The following PLEKHA7 variants were observed in gnomAD, a reference collection of about 807,000 sequenced individuals.
The protein encoded by PLEKHA7 is pleckstrin homology domain-containing family A member 7.
A neutral mutation model predicts 170.0 loss-of-function variants in PLEKHA7; 104 were observed. The observed-to-expected ratio is 0.61, with a 90% CI of 0.52 to 0.72. The LOEUF is 0.72. Ranked by LOEUF, PLEKHA7 falls within the 30% of genes least tolerant of loss-of-function variation. The pLI, the probability that PLEKHA7 is intolerant of heterozygous loss-of-function variation, is 0.00. For synonymous variants in PLEKHA7, 648 were observed against 660.8 expected (o/e 0.98, Z 0.30); for missense variants, 1,615 against 1,671.7 (o/e 0.97, Z 0.59).
At chr11:16,952,111 C>G (rs1002549577) in intron 3 of PLEKHA7, among the ~76,000 whole-genome samples, 1 of 152,208 alleles carries the variant, frequency 6.6e-6, no homozygotes, top group Non-Finnish European at 1.5e-5. Flanking sequence ...CCTCTTCCTC[C>G]TCAGCAAGGA....
At chr11:16,912,409 G>A (rs985762536) in intron 3 of PLEKHA7, among the ~76,000 whole-genome samples, 4 of 152,124 alleles carry the variant, frequency 2.6e-5, no homozygotes, top group Admixed American at 1.3e-4. Flanking sequence ...AACTATAAAG[G>A]GAGACAGAAA....
chr11:16,914,162 G>A (rs1259377472), intron 3 of PLEKHA7, among the ~76,000 whole-genome samples: 4 of 152,158 alleles, frequency 2.6e-5, no homozygotes, highest in South Asian at 2.1e-4. Flanking sequence ...AAGCTTATGT[G>A]CATTTGAAAA....
intron 3 of PLEKHA7, among the ~76,000 whole-genome samples, chr11:16,963,432 T>G (rs1862187963): frequency 6.6e-6 from 1 of 152,138 alleles, no homozygotes; most frequent in Non-Finnish European, 1.5e-5. Context: ...AAACTTGTCT[T>G]GCCCTACTTC....
Position 16,795,410 on chromosome 11 carries a change from T to C in PLEKHA7, c.2410-392A>G, listed in dbSNP as rs539301603. ...ATGCAGAACTATTTAATGTGTATAA[T>C]GTTTCAGTTATACAGGATAGAAAGT... On this transcript the variant is annotated intron_variant, in intron 17 of 26. Transcript: ENST00000531066. 1.7e-4 allele frequency: 36 copies of C among 207,906 alleles called. No individual in the cohort carries two copies. The South Asian group carries it at 2.1e-3, about 12-fold the overall frequency. The allele number at this position is 207,906 out of a possible 1,614,324, so 12.9% of individuals were successfully genotyped here.
At chr11:16,849,817 T>C (rs1317429721) in intron 8 of PLEKHA7, among the ~76,000 whole-genome samples, 1 of 152,174 alleles carries the variant, frequency 6.6e-6, no homozygotes, top group Admixed American at 6.5e-5. Context: ...CCACGCAACA[T>C]GACACAGAGC....
intron 3 of PLEKHA7, among the ~76,000 whole-genome samples, chr11:16,922,684 C>T (rs1186508620): frequency 6.6e-6 from 1 of 152,166 alleles, no homozygotes. Context: ...CATCAGAGCA[C>T]CCTTCTCTTA....
chr11:16,999,167 C>A (rs1428646892), intron 3 of PLEKHA7, among the ~76,000 whole-genome samples: 1 of 152,142 alleles, frequency 6.6e-6, no homozygotes, highest in Non-Finnish European at 1.5e-5. Context: ...TCAGGGACAA[C>A]TGCAATGTCA....
chr11:16,883,888 G>A (rs77443743), intron 3 of PLEKHA7, among the ~76,000 whole-genome samples: 2 of 152,188 alleles, frequency 1.3e-5, no homozygotes, highest in East Asian at 3.9e-4. Flanking sequence ...TCCTTTTCCT[G>A]CCTCCAATTC....
At position 16,789,631 on chromosome 11, in the gene PLEKHA7, G is replaced by T; in HGVS notation, c.3156+144C>A. 1.5e-6 allele frequency: 1 copy of T among 688,484 alleles called. No individual in the cohort carries two copies. The highest frequency in any genetic ancestry group is 2.4e-6 in the Non-Finnish European group (1 of 412,360). 42.6% of individuals were successfully genotyped at this position (688,484 alleles called of 1,614,324 possible). ...AGGATGCCCTCCTTGGTGGACAGTG[G>T]GTGACAGGGAGCTCAGGAGGGGCTG... is the stretch of plus-strand genomic sequence containing the variant. On this transcript the variant is annotated intron_variant, in intron 22 of 26. Coordinates refer to ENST00000531066, the MANE Select transcript of PLEKHA7 (RefSeq NM_001329630.2). The surrounding 1 kb of genome is among the most constrained non-coding windows in gnomAD (Gnocchi z 4.6).
intron 3 of PLEKHA7, chr11:16,881,546 G>A (rs1855714973): frequency 6.6e-6 from 1 of 152,230 alleles, no homozygotes; most frequent in African/African-American, 2.4e-5. Flanking sequence ...CTGCCCCACT[G>A]TGGCCAAGGG....
At chr11:16,931,767 C>CA (rs1320445957) in intron 3 of PLEKHA7, among the ~76,000 whole-genome samples, 2 of 33,700 alleles carry the variant, frequency 5.9e-5, no homozygotes, top group African/African-American at 2.3e-4. Context: ...CCCCCCCCCC[C>CA]AAAAAAAAAA....
At chr11:16,796,956 C>A (rs1848273836) in intron 17 of PLEKHA7, among the ~76,000 whole-genome samples, 1 of 152,126 alleles carries the variant, frequency 6.6e-6, no homozygotes, top group African/African-American at 2.4e-5. Context: ...GCGTGAGCCA[C>A]CATGACCAGC....
chr11:16,792,595 C>A (rs1404027948), intron 19 of PLEKHA7, among the ~76,000 whole-genome samples: 1 of 151,266 alleles, frequency 6.6e-6, no homozygotes, highest in Non-Finnish European at 1.5e-5. Context: ...TTACTTCTGG[C>A]AGACAGGAAG....
rs540465713 is a variant in PLEKHA7 at position 16,817,476 on chromosome 11, C to G, written c.1344-154G>C. On this transcript the variant is annotated intron_variant, in intron 10 of 26. Transcript: ENST00000531066. This position sits in a 1 kb window ranked among gnomAD's most constrained non-coding sequence, Gnocchi z 4.4. Reference sequence around the variant, plus strand: ...CAAGGCCGACATCCAGGACTTCAGTCACTTCCCCTTTTGGCAGACGACTCC... The same window carrying G: ...CAAGGCCGACATCCAGGACTTCAGTGACTTCCCCTTTTGGCAGACGACTCC... The G allele has an allele frequency of 2.8e-6, 2 of 708,362 alleles. No homozygotes were observed. Among genetic ancestry groups the G allele is most frequent in the South Asian group, 6.0e-5 (2 of 33,198 alleles). The allele number at this position is 708,362 out of a possible 1,614,324, so 43.9% of individuals were successfully genotyped here.
At chr11:16,927,467 C>T (rs559023433) in intron 3 of PLEKHA7, among the ~76,000 whole-genome samples, 24 of 152,150 alleles carry the variant, frequency 1.6e-4, no homozygotes, top group African/African-American at 5.8e-4. Context: ...TCTTTCCCCA[C>T]CCTCCCCCAC....
intron 17 of PLEKHA7, among the ~76,000 whole-genome samples, chr11:16,798,461 G>A (rs1260838518): frequency 4.0e-5 from 6 of 151,326 alleles, no homozygotes; most frequent in South Asian, 2.1e-4. Flanking sequence ...GCTTTTGGGA[G>A]GGAAGGGGGA....
In PLEKHA7 at chr11:16,801,660, C is replaced by G. The variant is rs1454801079; in HGVS notation, c.2307+8G>C. The G allele has an allele frequency of 1.2e-6, 2 of 1,613,950 alleles. No homozygotes were observed. The highest frequency in any genetic ancestry group is 1.3e-5 in the African/African-American group (1 of 74,932). On this transcript the variant is annotated splice_region_variant and intron_variant, in intron 16 of 26. Transcript: ENST00000531066. The stretch of plus-strand genomic sequence containing the variant: ...CTGAGGGAGACAGGTCTGCCACCCT[C>G]TACGCACAGTGGACTCTCTGGAGAG...
chr11:16,875,841 C>T (rs1009486235), intron 3 of PLEKHA7, among the ~76,000 whole-genome samples: 15 of 152,210 alleles, frequency 9.9e-5, no homozygotes, highest in Admixed American at 2.6e-4. Context: ...GGTCCCTGGG[C>T]GATTCCATTC....
chr11:16,940,105 A>C (rs11024083), intron 3 of PLEKHA7, among the ~76,000 whole-genome samples: 8,766 of 152,128 alleles, frequency 0.058, 376 homozygotes, highest in African/African-American at 0.12. Context: ...AAACTTTAAC[A>C]TTCCTATCTC....
Sources: allele counts gnomAD v4.1 joint callset (sites outside exome capture counted in the v4.1 genomes callset), GRCh38; gene constraint gnomAD v4.1.1; non-coding constraint Gnocchi (gnomAD v3.1); transcripts MANE v1.5; gene names NCBI Gene and HGNC (gene_info 2026-07-23, HGNC 2026-07-21).